Variants in TGM6 observed in about 807,000 individuals in gnomAD.
TGM6 encodes the protein transglutaminase 6.
Under a neutral mutation model 77.5 loss-of-function variants are expected in TGM6, and 74 were observed. The observed-to-expected ratio is 0.96, with a 90% CI of 0.79 to 1.16. The LOEUF (loss-of-function observed/expected upper bound fraction) is 1.16, where lower values mean the gene tolerates loss of function less well. TGM6 is among the 50% of genes most tolerant of loss of function. The pLI, the probability that TGM6 is intolerant of heterozygous loss-of-function variation, is 0.00. For missense variants in TGM6, 968 were observed against 940.2 expected, an observed-to-expected ratio of 1.03 and a Z score of -0.39; for synonymous variants, 383 against 378.9, an observed-to-expected ratio of 1.01 and a Z score of -0.12.
chr20:2,412,979 T>A (rs1446358550), intron 9 of TGM6, among the ~76,000 whole-genome samples: 2 of 152,116 alleles, frequency 1.3e-5, no homozygotes, highest in African/African-American at 2.4e-5. Context: ...CTCAACAAAA[T>A]CCTATCAAAG....
intron 1 of TGM6, among the ~76,000 whole-genome samples, chr20:2,385,487 C>T (rs993006090): frequency 2.0e-5 from 3 of 152,100 alleles, no homozygotes; most frequent in African/African-American, 7.2e-5. Flanking sequence ...CCTTCTGGGT[C>T]ATTTTACAGA....
intron 10 of TGM6, among the ~76,000 whole-genome samples, chr20:2,429,323 A>C (rs2084908460): frequency 6.6e-6 from 1 of 152,176 alleles, no homozygotes; most frequent in African/African-American, 2.4e-5. Context: ...CTTTTCCATG[A>C]GTTAAAAACT....
At chr20:2,431,292 CACTT>C (rs2084922870) in intron 12 of TGM6, among the ~76,000 whole-genome samples, 1 of 152,204 alleles carries the variant, frequency 6.6e-6, no homozygotes, top group Non-Finnish European at 1.5e-5. Flanking sequence ...TTTATTCACT[CACTT>C]TCATTCATTT....
intron 9 of TGM6, 114 bp from the exon 10 acceptor site, chr20:2,417,118 C>A: frequency 1.1e-6 from 1 of 879,464 alleles, no homozygotes; most frequent in Non-Finnish European, 1.8e-6. Context: ...AAACACAAGG[C>A]ATGTGGCGCC....
intron 5 of TGM6, among the ~76,000 whole-genome samples, chr20:2,398,564 C>T (rs1414289775): frequency 6.6e-6 from 1 of 152,148 alleles, no homozygotes; most frequent in Non-Finnish European, 1.5e-5. Flanking sequence ...AATGGCTCCC[C>T]ACCCCCACCT....
intron 10 of TGM6, among the ~76,000 whole-genome samples, chr20:2,428,057 A>G (rs921642751): frequency 2.0e-5 from 3 of 151,966 alleles, no homozygotes; most frequent in African/African-American, 4.8e-5. Flanking sequence ...TCTTTCTGTC[A>G]TTGATTTCCA....
At position 2,417,317 on chromosome 20, in the gene TGM6, C is replaced by G. The variant is rs1367399871; in HGVS notation, c.1422C>G (p.Arg474=). ...CCTCTGGAAGGAGAATCTGGATCCG[C>G]AGGGCTGGGGGTCGCTGTCTCTGGC... ...VEASGRRIWI[R]RAGGRCLWRD... Residue 474 remains arginine, a synonymous_variant, in exon 10 of 13, where the codon CGC becomes CGG. Transcript: ENST00000202625. 6.2e-7 allele frequency: 1 copy of G among 1,612,598 alleles called. No homozygotes were observed. The highest frequency in any genetic ancestry group is 8.5e-7 in the Non-Finnish European group (1 of 1,178,830).
chr20:2,396,442 C>G, intron 3 of TGM6, 64 bp from the exon 4 acceptor site: 1 of 1,525,064 alleles, frequency 6.6e-7, no homozygotes. Flanking sequence ...CCTGATGCAG[C>G]CCCTTCCCCA....
intron 10 of TGM6, among the ~76,000 whole-genome samples, chr20:2,418,180 T>C (rs1181938410): frequency 6.6e-6 from 1 of 151,986 alleles, no homozygotes; most frequent in Non-Finnish European, 1.5e-5. Flanking sequence ...ACCCAGATAA[T>C]TTTTGTATTT....
chr20:2,405,225 G>A (rs6114057), intron 9 of TGM6, among the ~76,000 whole-genome samples: 2 of 152,318 alleles, frequency 1.3e-5, no homozygotes, highest in Middle Eastern at 3.4e-3. Flanking sequence ...GAAGCTGTGA[G>A]GTTTCTAGAG....
intron 1 of TGM6, among the ~76,000 whole-genome samples, chr20:2,389,696 A>T (rs2084618228): frequency 6.6e-6 from 1 of 152,310 alleles, no homozygotes; most frequent in Middle Eastern, 3.4e-3. Flanking sequence ...ATTTTTCACT[A>T]AACATAGTTA....
Position 2,394,437 on chromosome 20 carries a change from C to T in TGM6, c.8-15C>T. On this transcript the variant is annotated splice_polypyrimidine_tract_variant and intron_variant, in intron 1 of 12. Coordinates refer to ENST00000202625, the MANE Select transcript of TGM6 (RefSeq NM_198994.3). ...GGAGGCCGTGGCCTCATCTCCCTGT[C>T]CTCTCCCCACCCAGGGATCAGAGTC... is the stretch of plus-strand genomic sequence containing the variant. The T allele has an allele frequency of 6.2e-7, 1 of 1,611,114 alleles. No homozygotes were observed.
intron 7 of TGM6, among the ~76,000 whole-genome samples, chr20:2,401,310 T>C (rs965284578): frequency 2.6e-5 from 4 of 152,146 alleles, no homozygotes; most frequent in African/African-American, 9.7e-5. Flanking sequence ...CAGTGATGTC[T>C]CCCTCCCGCC....
intron 10 of TGM6, among the ~76,000 whole-genome samples, chr20:2,427,440 G>T (rs1463089367): frequency 6.6e-6 from 1 of 151,646 alleles, no homozygotes; most frequent in Non-Finnish European, 1.5e-5. Context: ...TTTTTTCTGA[G>T]TTAGCCTTGC....
intron 9 of TGM6, among the ~76,000 whole-genome samples, chr20:2,413,148 T>C (rs367622120): frequency 6.6e-6 from 1 of 152,348 alleles, no homozygotes; most frequent in East Asian, 1.9e-4. Flanking sequence ...TGGTGGCTTA[T>C]GTCTGTGATC....
intron 3 of TGM6, 152 bp downstream of exon 3, chr20:2,395,588 T>TG (rs1319884823): frequency 1.4e-6 from 2 of 1,437,932 alleles, no homozygotes; most frequent in East Asian, 4.6e-5. Flanking sequence ...AGGTAGGCAA[T>TG]GGTCAGAGAA....
intron 10 of TGM6, among the ~76,000 whole-genome samples, chr20:2,428,127 T>G (rs1294065688): frequency 6.6e-6 from 1 of 152,180 alleles, no homozygotes; most frequent in Non-Finnish European, 1.5e-5. Flanking sequence ...TTTAAACTTG[T>G]TAATGTGTCA....
intron 10 of TGM6, among the ~76,000 whole-genome samples, chr20:2,425,162 A>G (rs918554255): frequency 4.6e-5 from 7 of 152,086 alleles, no homozygotes; most frequent in African/African-American, 1.7e-4. Context: ...GCAACACAGC[A>G]ATACCCCATC....
chr20:2,404,409 G>T (rs1223517947), intron 9 of TGM6, among the ~76,000 whole-genome samples: 1 of 152,164 alleles, frequency 6.6e-6, no homozygotes, highest in East Asian at 1.9e-4. Flanking sequence ...CCTTAGCAAT[G>T]TTATGATCTG....
Sources: gnomAD v4.1 joint callset for allele counts (sites outside exome capture counted in the v4.1 genomes callset) on GRCh38, gnomAD v4.1.1 for gene constraint, MANE v1.5 for transcripts, NCBI Gene and HGNC (gene_info 2026-07-23, HGNC 2026-07-21) for gene names.